Variants in COL9A1 observed in about 807,000 individuals in gnomAD.
COL9A1 encodes the protein collagen type IX alpha 1 chain, also known as collagen alpha-1(IX) chain.
In COL9A1, 104 loss-of-function variants were observed where a neutral mutation model predicts 142.6. The ratio of observed to expected loss-of-function variants is 0.73; its 90% CI spans 0.62 to 0.86. The LOEUF (loss-of-function observed/expected upper bound fraction) is 0.86. COL9A1 is among the 40% of genes least tolerant of loss of function. The pLI is 0.00. For synonymous variants in COL9A1, 466 were observed against 396.0 expected (o/e 1.18, Z -2.10); for missense variants, 1,210 against 1,176.6 (o/e 1.03, Z -0.42).
rs767424792 is a variant in COL9A1, at chr6:70,271,658, A to C, written c.1140T>G (p.Pro380=). 3 of 1,613,796 alleles carry C rather than the reference A, an allele frequency of 1.9e-6. No homozygotes were observed. The highest frequency in any genetic ancestry group is 2.2e-5 in the South Asian group (2 of 91,078). The change falls in exon 14 of 38, where the codon CCT becomes CCG. Residue 380 remains proline (P), a synonymous_variant. Coordinates refer to ENST00000357250, the MANE Select transcript of COL9A1 (RefSeq NM_001851.6). ...GLPGELGRVG[P]VGDPGRRGPP... ...CAAAGTGCACTGTGGTACTCACAACAGGTCCTACACGGCCAAGCTCTCCAG... is the reference window on the plus strand; with the variant it reads ...CAAAGTGCACTGTGGTACTCACAACCGGTCCTACACGGCCAAGCTCTCCAG...
intron 10 of COL9A1, chr6:70,279,398 CAG>C (rs994313433): frequency 6.6e-6 from 1 of 152,132 alleles, no homozygotes; most frequent in Non-Finnish European, 1.5e-5. Context: ...TTTGCATACA[CAG>C]AAAGTTCAAA....
intron 33 of COL9A1, among the ~76,000 whole-genome samples, chr6:70,238,829 A>C (rs1770066445): frequency 6.6e-6 from 1 of 152,236 alleles, no homozygotes; most frequent in Non-Finnish European, 1.5e-5. Flanking sequence ...TATTTCCATG[A>C]AAGTAAGTCC....
intron 29 of COL9A1, 59 bp from the exon 30 acceptor site, chr6:70,242,094 A>G: frequency 7.0e-7 from 1 of 1,424,094 alleles, no homozygotes; most frequent in Non-Finnish European, 9.7e-7. Context: ...AAAGCACGGA[A>G]GGCAGAAACA....
Position 70,252,188 on chromosome 6 carries a change from G to T in COL9A1, c.1819-15C>A. 1 of 1,614,178 alleles carries T rather than the reference G, an allele frequency of 6.2e-7. No homozygotes were observed. Among genetic ancestry groups the T allele is most frequent in the East Asian group, 2.2e-5 (1 of 44,882 alleles). On this transcript the variant is annotated splice_polypyrimidine_tract_variant and intron_variant, in intron 27 of 37. Transcript: ENST00000357250. ...CCCTGTTGGCCCTGTTATCAGGAAGGAAGGTAGAAAAAAAGTTAACACCTA... is the reference window on the plus strand; with the variant it reads ...CCCTGTTGGCCCTGTTATCAGGAAGTAAGGTAGAAAAAAAGTTAACACCTA...
chr6:70,300,218 G>T, intron 3 of COL9A1, 43 bp from the exon 4 acceptor site: 1 of 1,611,428 alleles, frequency 6.2e-7, no homozygotes, highest in Non-Finnish European at 8.5e-7. Context: ...AAATGAGATT[G>T]GTTTTATTTC....
At chr6:70,273,969 AAAT>A in intron 12 of COL9A1, 75 bp downstream of exon 12, 4 of 745,050 alleles carry the variant, frequency 5.4e-6, no homozygotes, top group South Asian at 3.6e-5. Flanking sequence ...ATAAATAAAT[AAAT>A]AAAAAGATTT....
intron 8 of COL9A1, 75 bp from the exon 9 acceptor site, chr6:70,281,114 G>A (rs1773133528): frequency 7.8e-7 from 1 of 1,279,506 alleles, no homozygotes; most frequent in African/African-American, 1.5e-5. Context: ...ACAATCCCAG[G>A]AGAGCTCACT....
chr6:70,221,098 GTT>G (rs58207213), intron 37 of COL9A1, among the ~76,000 whole-genome samples: 7 of 148,350 alleles, frequency 4.7e-5, no homozygotes, highest in African/African-American at 1.5e-4. Context: ...ATTGCTAAAC[GTT>G]TTTTTTTTAA....
chr6:70,260,781 G>T, intron 19 of COL9A1, 71 bp from the exon 20 acceptor site: 2 of 1,452,026 alleles, frequency 1.4e-6, no homozygotes, highest in Non-Finnish European at 1.9e-6. Context: ...CATCACAAAA[G>T]CTGATCTAGA....
chr6:70,272,076 G>A lies in COL9A1; in HGVS notation c.1078C>T (p.Pro360Ser), dbSNP rs1403192238. 1.4e-5 allele frequency: 23 copies of A among 1,611,868 alleles called. No homozygotes were observed. The highest frequency in any genetic ancestry group is 2.0e-5 in the Non-Finnish European group (23 of 1,178,328). Residue 360 changes from proline to serine, a missense_variant, in exon 13 of 38, where the codon CCT becomes TCT. Pro to Ser is a moderately conservative substitution (Grantham distance 74). Transcript: ENST00000357250. The part of the protein sequence containing the change: ...GSRGFPGRGI[P>S]GPPGPPGTAG... ...GAAGTGATACTTACAGGGGGTCCAG[G>A]AATACCACGGCCCTAAAAGAGTACA...
intron 33 of COL9A1, among the ~76,000 whole-genome samples, chr6:70,236,140 AAC>A (rs1562293802): frequency 1.5e-4 from 21 of 136,754 alleles, no homozygotes; most frequent in African/African-American, 2.4e-4. Flanking sequence ...AAAAAAAAAA[AAC>A]TTGACCAAAG....
At position 70,302,089 on chromosome 6, in the gene COL9A1, A is replaced by G. The variant is rs773055477; in HGVS notation, c.15-15T>C. 1.1e-5 allele frequency: 17 copies of G among 1,597,846 alleles called. No individual in the cohort carries two copies. The African/African-American group carries it at 2.1e-4, about 20-fold the overall frequency. On this transcript the variant is annotated splice_polypyrimidine_tract_variant and intron_variant, in intron 1 of 37. Coordinates refer to ENST00000357250, the MANE Select transcript of COL9A1 (RefSeq NM_001851.6). ...CTGGAATTTTCCTGAAGAAGAGAGA[A>G]GAAAAATGACTGAAACAGGAGTCCC...
intron 36 of COL9A1, among the ~76,000 whole-genome samples, chr6:70,227,793 A>C (rs1316110588): frequency 6.6e-6 from 1 of 152,176 alleles, no homozygotes; most frequent in Non-Finnish European, 1.5e-5. Flanking sequence ...AGAATAGAAC[A>C]CTATGCAGCT....
At chr6:70,230,843 G>A (rs4342384) in intron 36 of COL9A1, among the ~76,000 whole-genome samples, 33,379 of 152,188 alleles carry the variant, frequency 0.22, 3,948 homozygotes, top group Non-Finnish European at 0.27. Flanking sequence ...CCAGTGTGCA[G>A]GCAAGGCTGA....
At chr6:70,287,250 C>T (rs577924955) in intron 5 of COL9A1, among the ~76,000 whole-genome samples, 64 of 152,194 alleles carry the variant, frequency 4.2e-4, no homozygotes, top group African/African-American at 1.5e-3. Context: ...ACCAAATTTG[C>T]TGGGGCAGAG....
intron 5 of COL9A1, among the ~76,000 whole-genome samples, chr6:70,286,486 T>C (rs1047539048): frequency 6.6e-6 from 1 of 152,228 alleles, no homozygotes; most frequent in African/African-American, 2.4e-5. Context: ...CAAGGTTTGA[T>C]TTCTGCAAAC....
chr6:70,302,490 A>G (rs1270361548), intron 1 of COL9A1, among the ~76,000 whole-genome samples: 1 of 151,902 alleles, frequency 6.6e-6, no homozygotes, highest in African/African-American at 2.4e-5. Context: ...TTACAAGCAT[A>G]AGCCACCGCA....
chr6:70,250,038 A>T (rs796126293), intron 28 of COL9A1, among the ~76,000 whole-genome samples: 6 of 152,280 alleles, frequency 3.9e-5, no homozygotes, highest in African/African-American at 1.2e-4. Flanking sequence ...AAAAGGGTGA[A>T]TCTCCTGAGC....
chr6:70,274,058 G>A lies in COL9A1; in HGVS notation c.1054C>T (p.Arg352Cys), dbSNP rs1302609073. 11 of 1,557,118 alleles carry A rather than the reference G, an allele frequency of 7.1e-6. No homozygotes were observed. Among genetic ancestry groups the A allele is most frequent in the East Asian group, 4.7e-5 (2 of 42,622 alleles). ...QKGEPGVPGS[R>C]GFPGRGIPGP... is the part of the protein sequence containing the mutation. ...TTACATTTACTTACTGGAAATCCAC[G>A]CGATCCAGGCACACCAGGTTCTCCC... The change falls in exon 12 of 38, where the codon CGT (arginine) becomes TGT (cysteine). Residue 352 changes from arginine (R) to cysteine (C), a missense_variant. Coordinates refer to ENST00000357250, the MANE Select transcript of COL9A1 (RefSeq NM_001851.6).
Sources: allele counts gnomAD v4.1 joint callset (sites outside exome capture counted in the v4.1 genomes callset), GRCh38; gene constraint gnomAD v4.1.1; transcripts MANE v1.5; gene names NCBI Gene and HGNC (gene_info 2026-07-23, HGNC 2026-07-21).